The following GRM7 variants were observed in gnomAD, a reference collection of about 807,000 sequenced individuals.
The protein encoded by GRM7 is glutamate metabotropic receptor 7, also known as metabotropic glutamate receptor 7.
A neutral mutation model predicts 84.5 loss-of-function variants in GRM7; 35 were observed. The observed-to-expected ratio is 0.41, with a 90% CI of 0.32 to 0.55. The LOEUF is 0.55. Among genes scored for constraint, GRM7 ranks in the 20% least tolerant of loss-of-function variants. The pLI is 0.19. For missense variants in GRM7, 1,003 were observed against 1,194.6 expected, an observed-to-expected ratio of 0.84 and a Z score of 2.36; for synonymous variants, 487 against 455.1, an observed-to-expected ratio of 1.07 and a Z score of -0.89.
chr3:7,365,640 C>CTT (rs1180304134), intron 4 of GRM7, among the ~76,000 whole-genome samples: 1 of 100,810 alleles, frequency 9.9e-6, no homozygotes, highest in Non-Finnish European at 2.0e-5. Context: ...TGTGTGTGTG[C>CTT]GTGTGTGTAT....
At chr3:7,198,082 G>A (rs1181614682) in intron 2 of GRM7, among the ~76,000 whole-genome samples, 8 of 150,872 alleles carry the variant, frequency 5.3e-5, no homozygotes, top group Admixed American at 2.0e-4. Flanking sequence ...AGTTTTAATC[G>A]TTTTAATCAA....
At position 7,458,392 on chromosome 3, in the gene GRM7, A is replaced by C. The variant is rs3792480; in HGVS notation, c.1376-3191A>C. On this transcript the variant is annotated intron_variant, in intron 6 of 9. Coordinates refer to ENST00000357716, the MANE Select transcript of GRM7 (RefSeq NM_000844.4). ...TTTTAAAATATAGAGTTCATTGAAC[A>C]CAATGCTTCTTATTCTGTTTTAAGA... Among the ~76,000 whole-genome samples the C allele has an allele frequency of 3.3e-3, 501 of 152,280 alleles. 6 individuals carry two copies. The highest frequency in any genetic ancestry group is 0.022 in the South Asian group (105 of 4,820).
intron 7 of GRM7, among the ~76,000 whole-genome samples, chr3:7,515,757 G>A (rs577720999): frequency 6.7e-4 from 102 of 152,222 alleles, no homozygotes; most frequent in African/African-American, 2.4e-3. Context: ...ATCTCAGGCT[G>A]GCTTATGTCA....
chr3:6,910,071 T>C (rs2125015869), intron 1 of GRM7, among the ~76,000 whole-genome samples: 1 of 152,094 alleles, frequency 6.6e-6, no homozygotes, highest in African/African-American at 2.4e-5. Flanking sequence ...GGAGTTGGGC[T>C]GAAGGAAAAA....
intron 1 of GRM7, among the ~76,000 whole-genome samples, chr3:7,021,167 T>G (rs572442232): frequency 4.6e-5 from 7 of 152,312 alleles, no homozygotes; most frequent in African/African-American, 1.7e-4. Context: ...TGATCAACCC[T>G]TTATTTCCTT....
intron 8 of GRM7, among the ~76,000 whole-genome samples, chr3:7,642,871 AT>A (rs1157945312): frequency 1.3e-5 from 2 of 152,158 alleles, no homozygotes; most frequent in African/African-American, 4.8e-5. Flanking sequence ...GTATGCACTC[AT>A]TTTATAGATC....
intron 2 of GRM7, among the ~76,000 whole-genome samples, chr3:7,173,794 C>T (rs376580853): frequency 6.6e-6 from 1 of 152,296 alleles, no homozygotes; most frequent in East Asian, 1.9e-4. Flanking sequence ...AGCCTAACCT[C>T]CTCCCCCAGA....
chr3:7,665,093 C>T (rs780671733), intron 8 of GRM7, among the ~76,000 whole-genome samples: 11 of 151,312 alleles, frequency 7.3e-5, no homozygotes, highest in Non-Finnish European at 1.3e-4. Flanking sequence ...GACACATTCT[C>T]TTGACAAAAG....
chr3:7,535,695 A>G (rs907103293), intron 7 of GRM7, among the ~76,000 whole-genome samples: 1 of 152,252 alleles, frequency 6.6e-6, no homozygotes, highest in Non-Finnish European at 1.5e-5. Flanking sequence ...CAGGGAGACC[A>G]ACAATTAATA....
rs111527724 is a variant in GRM7 at position 7,629,413 on chromosome 3, C to G, written c.2451+50056C>G. Among the ~76,000 whole-genome samples, 470 of 152,260 alleles carry G rather than the reference C, an allele frequency of 3.1e-3. 6 individuals are homozygous for G. Among genetic ancestry groups the G allele is most frequent in the African/African-American group, 0.011 (454 of 41,562 alleles). On this transcript the variant is annotated intron_variant, in intron 8 of 9. Coordinates refer to ENST00000357716, the MANE Select transcript of GRM7 (RefSeq NM_000844.4). ...TTTCTGGTGAGGACTCTCCTCCTGG[C>G]TTGCAAATAGCTGCCTTCTCACTAT...
intron 1 of GRM7, among the ~76,000 whole-genome samples, chr3:6,996,009 C>CAT (rs993770350): frequency 2.0e-5 from 3 of 152,166 alleles, no homozygotes; most frequent in Admixed American, 6.5e-5. Context: ...TCCAGCCATA[C>CAT]ATATGCCTGA....
At position 7,002,935 on chromosome 3, in the gene GRM7, G is replaced by A. The variant is rs187733670; in HGVS notation, c.519+141028G>A. ...AAAAGAAGAAAATTCTATCATTTGC[G>A]ACAACATGGATAAACCTAGATAATA... On this transcript the variant is annotated intron_variant, in intron 1 of 9. Coordinates refer to ENST00000357716, the MANE Select transcript of GRM7 (RefSeq NM_000844.4). Among the ~76,000 whole-genome samples, 26 of 152,242 alleles carry A rather than the reference G, an allele frequency of 1.7e-4. 1 individual carries two copies. The highest frequency in any genetic ancestry group is 5.5e-4 in the African/African-American group (23 of 41,556).
At chr3:7,705,856 T>G (rs1479744864) in intron 9 of GRM7, among the ~76,000 whole-genome samples, 4 of 152,146 alleles carry the variant, frequency 2.6e-5, no homozygotes, top group African/African-American at 7.2e-5. Context: ...AGAGTTTTAA[T>G]CACAGAAGGT....
chr3:7,362,381 G>A (rs577351988), intron 4 of GRM7, among the ~76,000 whole-genome samples: 2 of 151,918 alleles, frequency 1.3e-5, no homozygotes, highest in African/African-American at 4.8e-5. Flanking sequence ...AATTCAAAAC[G>A]AGAGAAAATG....
intron 4 of GRM7, among the ~76,000 whole-genome samples, chr3:7,368,851 C>G (rs1251884419): frequency 2.6e-5 from 4 of 151,692 alleles, no homozygotes; most frequent in Non-Finnish European, 4.4e-5. Context: ...TAGCGCTTAG[C>G]ACATAATAGT....
intron 9 of GRM7, among the ~76,000 whole-genome samples, chr3:7,702,416 T>G (rs1701258753): frequency 6.6e-6 from 1 of 152,218 alleles, no homozygotes. Flanking sequence ...GTACAACCTT[T>G]GCCATGCATG....
Position 7,740,465 on chromosome 3 carries a change from C to A in GRM7, c.*59C>A. The A allele has an allele frequency of 1.0e-6, 1 of 999,462 alleles. No individual in the cohort carries two copies. The highest frequency in any genetic ancestry group is 1.5e-6 in the Non-Finnish European group (1 of 662,936). 61.9% of individuals were successfully genotyped at this position (999,462 alleles called of 1,614,324 possible). A position where few individuals can be genotyped will look rare whatever the true frequency, so the allele number is the denominator to read the frequency against. On this transcript the variant is annotated 3_prime_UTR_variant, in exon 10 of 10. Coordinates refer to ENST00000357716, the MANE Select transcript of GRM7 (RefSeq NM_000844.4). Reference sequence around the variant, plus strand: ...GACCCTCAGTTATTTTGTCACCCAACCTGGCATAGGACTCTTTGGTCCTAC... The same window carrying A: ...GACCCTCAGTTATTTTGTCACCCAAACTGGCATAGGACTCTTTGGTCCTAC...
intron 7 of GRM7, among the ~76,000 whole-genome samples, chr3:7,477,519 T>C (rs748956853): frequency 5.3e-4 from 80 of 152,200 alleles, no homozygotes; most frequent in Middle Eastern, 3.2e-3. Context: ...TTCATGAGTA[T>C]GTGACCAGAG....
At chr3:7,659,754 A>G (rs559653516) in intron 8 of GRM7, among the ~76,000 whole-genome samples, 16 of 152,286 alleles carry the variant, frequency 1.1e-4, no homozygotes, top group Admixed American at 2.6e-4. Flanking sequence ...ATAGGAAGAG[A>G]GTGTGGATTT....
Sources: gnomAD v4.1 joint callset for allele counts (sites outside exome capture counted in the v4.1 genomes callset) on GRCh38, gnomAD v4.1.1 for gene constraint, MANE v1.5 for transcripts, NCBI Gene and HGNC (gene_info 2026-07-23, HGNC 2026-07-21) for gene names.